The following DKK3 variants were observed in gnomAD, a reference collection of about 807,000 sequenced individuals.
The protein encoded by DKK3 is dickkopf Wnt signaling pathway inhibitor 3, also known as dickkopf-related protein 3.
Under a neutral mutation model 33.2 loss-of-function variants are expected in DKK3, and 22 were observed. The observed-to-expected ratio is 0.66, with a 90% CI of 0.47 to 0.95. The LOEUF is 0.95. DKK3 is among the 40% of genes least tolerant of loss of function. The pLI is 0.00. For missense variants in DKK3, 398 were observed against 458.4 expected (o/e 0.87, Z 1.20); for synonymous variants, 194 against 188.8 (o/e 1.03, Z -0.23).
At chr11:11,973,754 T>C (rs868556920) in intron 3 of DKK3, among the ~76,000 whole-genome samples, 1 of 152,170 alleles carries the variant, frequency 6.6e-6, no homozygotes, top group Non-Finnish European at 1.5e-5. Flanking sequence ...GACACTATCA[T>C]GAAATAGTGG....
At chr11:11,991,446 A>G (rs1744324058) in intron 3 of DKK3, among the ~76,000 whole-genome samples, 1 of 152,166 alleles carries the variant, frequency 6.6e-6, no homozygotes, top group South Asian at 2.1e-4. Context: ...GAGGCTGGAC[A>G]TAGTGGCTCA....
At position 11,996,303 on chromosome 11, in the gene DKK3, G is replaced by A. The variant is rs575774243; in HGVS notation, c.435+2393C>T. Among the ~76,000 whole-genome samples the A allele has an allele frequency of 1.6e-4, 24 of 152,294 alleles. No individual in the cohort carries two copies. In the South Asian group the frequency reaches 2.7e-3, roughly 17 times the overall value. On this transcript the variant is annotated intron_variant, in intron 3 of 6. Transcript: ENST00000683431. ...CCTTGATAGTAAACTAGTCTTTATC[G>A]CTTTCTATTCAGAAAAAGAGCTCCG...
At chr11:11,976,022 G>T (rs147117419) in intron 3 of DKK3, among the ~76,000 whole-genome samples, 139 of 152,322 alleles carry the variant, frequency 9.1e-4, no homozygotes, top group African/African-American at 3.1e-3. Context: ...ACAGTGCTTA[G>T]TGGCCTCCAC....
chr11:12,002,601 CG>C (rs1848454181), intron 1 of DKK3, among the ~76,000 whole-genome samples, 164 bp from the exon 2 acceptor site: 1 of 152,024 alleles, frequency 6.6e-6, no homozygotes, highest in African/African-American at 2.4e-5. Context: ...TTATACTAAA[CG>C]TTTTACATAT....
At chr11:11,978,527 T>C (rs1245746661) in intron 3 of DKK3, among the ~76,000 whole-genome samples, 1 of 151,976 alleles carries the variant, frequency 6.6e-6, no homozygotes, top group African/African-American at 2.4e-5. Flanking sequence ...TTTTTTATCG[T>C]TTTGTTTGGT....
chr11:11,997,366 A>G (rs886160405), intron 3 of DKK3, among the ~76,000 whole-genome samples: 30 of 152,308 alleles, frequency 2.0e-4, no homozygotes, highest in African/African-American at 7.0e-4. Flanking sequence ...GAGATCTGGA[A>G]CACTCTAAAC....
At chr11:11,980,830 AGT>A (rs1370262319) in intron 3 of DKK3, among the ~76,000 whole-genome samples, 1 of 152,156 alleles carries the variant, frequency 6.6e-6, no homozygotes, top group African/African-American at 2.4e-5. Context: ...GAGGGCTGTA[AGT>A]GCCCACAGTT....
At chr11:11,968,986 G>C (rs904978712) in intron 3 of DKK3, among the ~76,000 whole-genome samples, 1 of 152,194 alleles carries the variant, frequency 6.6e-6, no homozygotes, top group Non-Finnish European at 1.5e-5. Context: ...GCGCCCTCAG[G>C]GTCCTGGGTC....
chr11:12,003,566 A>G (rs1848474575), intron 1 of DKK3, among the ~76,000 whole-genome samples: 1 of 152,074 alleles, frequency 6.6e-6, no homozygotes, highest in African/African-American at 2.4e-5. Context: ...TGGGCAGTTG[A>G]CAATGTGACC....
chr11:12,008,627 G>C, upstream of DKK3: 1 of 1,334,276 alleles, frequency 7.5e-7, no homozygotes, highest in Non-Finnish European at 9.5e-7. The surrounding 1 kb of genome is among the most constrained non-coding windows in gnomAD (Gnocchi z 4.6). Context: ...CCCGGAACGC[G>C]ATCAGAGGCG....
At chr11:11,979,418 C>T (rs901666370) in intron 3 of DKK3, among the ~76,000 whole-genome samples, 8 of 152,208 alleles carry the variant, frequency 5.3e-5, no homozygotes, top group South Asian at 2.1e-4. Context: ...GAAATGCTTC[C>T]GGTCACAGGC....
At chr11:11,967,517 C>T (rs1364940829) in intron 4 of DKK3, among the ~76,000 whole-genome samples, 2 of 152,194 alleles carry the variant, frequency 1.3e-5, no homozygotes, top group Non-Finnish European at 2.9e-5. Flanking sequence ...GTGCCAGGGT[C>T]CTGCAGCCAC....
intron 1 of DKK3, among the ~76,000 whole-genome samples, chr11:12,003,976 G>A (rs571633461): frequency 7.2e-5 from 11 of 152,326 alleles, no homozygotes; most frequent in African/African-American, 2.6e-4. Flanking sequence ...GCCGGATTCT[G>A]TGCTGGATTC....
Position 11,965,703 on chromosome 11 carries a change from G to T in DKK3, c.830+106C>A, listed in dbSNP as rs890469545. 5 of 1,389,472 alleles carry T rather than the reference G, an allele frequency of 3.6e-6. No individual in the cohort carries two copies. In the African/African-American group the frequency reaches 5.8e-5, roughly 16 times the overall value. The allele number at this position is 1,389,472 out of a possible 1,614,324, so 86.1% of individuals were successfully genotyped here. ...CGACCTCTCAAACCAATCCTAAAGG[G>T]AATCTACACCTCCCCCAGGGAAAAC... On this transcript the variant is annotated intron_variant, in intron 6 of 6. Coordinates refer to ENST00000683431, the MANE Select transcript of DKK3 (RefSeq NM_001018057.2).
chr11:12,007,447 A>G (rs796274633), intron 1 of DKK3, among the ~76,000 whole-genome samples: 43 of 152,298 alleles, frequency 2.8e-4, no homozygotes, highest in African/African-American at 9.4e-4. Context: ...GCACCTGGAC[A>G]GAGAGGGCTG....
intron 3 of DKK3, among the ~76,000 whole-genome samples, chr11:11,996,904 A>G (rs1848306840): frequency 6.6e-6 from 1 of 152,268 alleles, no homozygotes; most frequent in African/African-American, 2.4e-5. Flanking sequence ...GAAGAAGAGT[A>G]CACAGGGGCA....
At chr11:11,967,666 T>A (rs1847631514) in intron 4 of DKK3, among the ~76,000 whole-genome samples, 1 of 152,224 alleles carries the variant, frequency 6.6e-6, no homozygotes, top group Non-Finnish European at 1.5e-5. Flanking sequence ...ACTGCTTGAC[T>A]TTCCAAGCTT....
intron 3 of DKK3, among the ~76,000 whole-genome samples, chr11:11,972,968 G>T (rs1328181454): frequency 6.6e-6 from 1 of 152,132 alleles, no homozygotes; most frequent in Non-Finnish European, 1.5e-5. Flanking sequence ...GGAAGGCAGG[G>T]GCTCTGGGCT....
At chr11:12,007,744 C>T (rs1033635243) in intron 1 of DKK3, among the ~76,000 whole-genome samples, 1 of 152,182 alleles carries the variant, frequency 6.6e-6, no homozygotes, top group African/African-American at 2.4e-5. Context: ...CAGAGGAGGA[C>T]CTGAGCCCAG....
Sources: allele counts gnomAD v4.1 joint callset (sites outside exome capture counted in the v4.1 genomes callset), GRCh38; gene constraint gnomAD v4.1.1; non-coding constraint Gnocchi (gnomAD v3.1); transcripts MANE v1.5; gene names NCBI Gene and HGNC (gene_info 2026-07-23, HGNC 2026-07-21).